AHI1: variants seen among roughly 807,000 people sequenced by gnomAD.
The protein encoded by AHI1 is Abelson helper integration site 1, also known as jouberin.
A neutral mutation model predicts 149.3 loss-of-function variants in AHI1; 123 were observed. That is an observed-to-expected ratio of 0.82 (90% CI 0.71 to 0.96). The LOEUF (loss-of-function observed/expected upper bound fraction) is 0.96, where lower values mean the gene tolerates loss of function less well. Among genes scored for constraint, AHI1 ranks in the 40% least tolerant of loss-of-function variants. AHI1 has a pLI of 0.00. For synonymous variants in AHI1, 475 were observed against 459.8 expected, an observed-to-expected ratio of 1.03 and a Z score of -0.42; for missense variants, 1,439 against 1,422.7, an observed-to-expected ratio of 1.01 and a Z score of -0.18.
chr6:135,359,599 C>G (rs1017947282), intron 23 of AHI1, among the ~76,000 whole-genome samples: 3 of 152,068 alleles, frequency 2.0e-5, no homozygotes, highest in Non-Finnish European at 4.4e-5. Context: ...GAAATCCCAA[C>G]TTTGTCAGCC....
intron 5 of AHI1, chr6:135,490,154 T>C (rs1377152703): frequency 2.8e-6 from 2 of 718,480 alleles, no homozygotes; most frequent in Admixed American, 4.0e-5. Context: ...TGCCAAAGAT[T>C]CTATCATTTG....
intron 24 of AHI1, among the ~76,000 whole-genome samples, chr6:135,339,359 C>G (rs1293359928): frequency 6.6e-6 from 1 of 152,012 alleles, no homozygotes; most frequent in East Asian, 1.9e-4. Flanking sequence ...TCTGAGAAAG[C>G]CCAGATGTTG....
intron 18 of AHI1, among the ~76,000 whole-genome samples, chr6:135,428,982 C>T (rs556323066): frequency 2.0e-5 from 3 of 151,446 alleles, no homozygotes; most frequent in Admixed American, 6.6e-5. Context: ...AACATGTCAA[C>T]GTAAAATAGA....
At chr6:135,321,371 G>T (rs1371426675) in intron 25 of AHI1, among the ~76,000 whole-genome samples, 1 of 152,180 alleles carries the variant, frequency 6.6e-6, no homozygotes, top group Admixed American at 6.5e-5. Flanking sequence ...AGAGTGAGAA[G>T]TGGTACAATT....
Position 135,492,238 on chromosome 6 carries a change from C to T in AHI1, c.-1G>A. On this transcript the variant is annotated 5_prime_UTR_variant, in exon 4 of 29. Coordinates refer to ENST00000265602, the MANE Select transcript of AHI1 (RefSeq NM_001134831.2). Reference sequence around the variant, plus strand: ...TCATAGAAGTCTTACCTGTAGGCATCTCTCAGCTTTATGCAGAGGACTGAG... The same window carrying T: ...TCATAGAAGTCTTACCTGTAGGCATTTCTCAGCTTTATGCAGAGGACTGAG... 1 of 1,537,100 alleles carries T rather than the reference C, an allele frequency of 6.5e-7. No homozygotes were observed. The highest frequency in any genetic ancestry group is 8.8e-7 in the Non-Finnish European group (1 of 1,139,220).
At chr6:135,438,954 A>G (rs1036703372) in intron 14 of AHI1, among the ~76,000 whole-genome samples, 2 of 152,210 alleles carry the variant, frequency 1.3e-5, no homozygotes, top group African/African-American at 4.8e-5. Context: ...ACTAAAATGA[A>G]CAGGGATAGT....
intron 22 of AHI1, among the ~76,000 whole-genome samples, chr6:135,402,111 A>C (rs1780101234): frequency 1.3e-5 from 2 of 152,208 alleles, no homozygotes; most frequent in African/African-American, 4.8e-5. Flanking sequence ...CACAAATCAA[A>C]ATCACTATGA....
intron 26 of AHI1, among the ~76,000 whole-genome samples, chr6:135,315,752 T>C (rs1026398948): frequency 6.6e-6 from 1 of 152,222 alleles, no homozygotes; most frequent in Admixed American, 6.5e-5. Flanking sequence ...CTTACTCAGA[T>C]GGTTATTATT....
chr6:135,496,038 A>G (rs1352454666), intron 2 of AHI1, 140 bp from the exon 3 acceptor site: 2 of 152,256 alleles, frequency 1.3e-5, no homozygotes, highest in Non-Finnish European at 2.9e-5. Flanking sequence ...ATTTACTATT[A>G]ACAGCTTAAT....
intron 8 of AHI1, among the ~76,000 whole-genome samples, chr6:135,460,246 T>TA (rs927875326): frequency 2.6e-5 from 4 of 152,180 alleles, no homozygotes; most frequent in Admixed American, 2.6e-4. Flanking sequence ...GACACAATGT[T>TA]AAAAAATTTT....
At chr6:135,384,863 C>T (rs1342332917) in intron 23 of AHI1, among the ~76,000 whole-genome samples, 2 of 152,038 alleles carry the variant, frequency 1.3e-5, no homozygotes, top group African/African-American at 2.4e-5. Context: ...CTGAGGTGGG[C>T]GGATCACCTG....
chr6:135,288,435 T>C lies in AHI1; in HGVS notation c.3588+1988A>G, dbSNP rs140266980. Among the ~76,000 whole-genome samples the C allele has an allele frequency of 4.8e-4, 73 of 152,154 alleles. 2 individuals carry two copies. The highest frequency in any genetic ancestry group is 1.6e-3 in the African/African-American group (67 of 41,432). ...TATTAGAAAATTTCTAAAAATTACA[T>C]TCATTTTGAAAGAAATGATCAAGTA... On this transcript the variant is annotated intron_variant, in intron 28 of 28. Transcript: ENST00000265602.
intron 22 of AHI1, among the ~76,000 whole-genome samples, chr6:135,398,409 G>GA (rs1779559269): frequency 6.6e-6 from 1 of 152,058 alleles, no homozygotes; most frequent in African/African-American, 2.4e-5. Context: ...TAAGATACCA[G>GA]AAAAATCTTA....
intron 22 of AHI1, among the ~76,000 whole-genome samples, chr6:135,397,320 C>T (rs1485383355): frequency 6.6e-6 from 1 of 151,820 alleles, no homozygotes; most frequent in Non-Finnish European, 1.5e-5. Context: ...GAAATATGTG[C>T]TGCGGAAAAG....
chr6:135,290,645 T>C lies in AHI1; in HGVS notation c.3486-120A>G, dbSNP rs949495506. ...ACAAAAATGGGGATAAATGTGAGGA[T>C]ATGACAGAGAAAAACATCCGGCAGA... is the stretch of plus-strand genomic sequence containing the variant. On this transcript the variant is annotated intron_variant, in intron 27 of 28. Transcript: ENST00000265602. 9.8e-6 allele frequency: 9 copies of C among 913,818 alleles called. No homozygotes were observed. In the African/African-American group the frequency reaches 1.3e-4, roughly 13 times the overall value. 56.6% of individuals were successfully genotyped at this position (913,818 alleles called of 1,614,324 possible).
chr6:135,421,735 T>C (rs1418434719), intron 20 of AHI1, among the ~76,000 whole-genome samples: 1 of 152,198 alleles, frequency 6.6e-6, no homozygotes, highest in East Asian at 1.9e-4. Context: ...AAGTTTTCCA[T>C]ATGTCTTGAG....
At chr6:135,408,471 T>C (rs986251538) in intron 21 of AHI1, among the ~76,000 whole-genome samples, 2 of 152,148 alleles carry the variant, frequency 1.3e-5, no homozygotes, top group East Asian at 1.9e-4. Context: ...TTTATAGTTA[T>C]ATATTCTAAA....
intron 23 of AHI1, among the ~76,000 whole-genome samples, chr6:135,384,543 T>C (rs1777297264): frequency 6.6e-6 from 1 of 152,192 alleles, no homozygotes; most frequent in Non-Finnish European, 1.5e-5. Flanking sequence ...ATAAGACACT[T>C]CTAGAGTCCC....
chr6:135,450,125 G>C (rs1787874565), intron 11 of AHI1, among the ~76,000 whole-genome samples: 1 of 152,142 alleles, frequency 6.6e-6, no homozygotes, highest in Non-Finnish European at 1.5e-5. Context: ...CCATGAGTAA[G>C]ACTGATATTA....
Sources: allele counts gnomAD v4.1 joint callset (sites outside exome capture counted in the v4.1 genomes callset), GRCh38; gene constraint gnomAD v4.1.1; transcripts MANE v1.5; gene names NCBI Gene and HGNC (gene_info 2026-07-23, HGNC 2026-07-21).